PCDHGA1: variants seen among roughly 807,000 people sequenced by gnomAD.
PCDHGA1 encodes protocadherin gamma-A1.
In PCDHGA1, 32 loss-of-function variants were observed where a neutral mutation model predicts 58.0. The observed-to-expected ratio is 0.55, with a 90% CI of 0.42 to 0.74. The LOEUF is 0.74. Among genes scored for constraint, PCDHGA1 ranks in the 30% least tolerant of loss-of-function variants. PCDHGA1 has a pLI of 0.00. For missense variants in PCDHGA1, 1,205 were observed against 1,182.3 expected, an observed-to-expected ratio of 1.02 and a Z score of -0.28; for synonymous variants, 498 against 501.1, an observed-to-expected ratio of 0.99 and a Z score of 0.08.
chr5:141,454,172 C>T (rs1001368287), intron 1 of PCDHGA1, among the ~76,000 whole-genome samples: 4 of 152,126 alleles, frequency 2.6e-5, no homozygotes, highest in Non-Finnish European at 5.9e-5. Context: ...TCTAGAAGGG[C>T]AGCTAAAGGA....
intron 2 of PCDHGA1, among the ~76,000 whole-genome samples, chr5:141,504,259 G>A (rs1325093588): frequency 6.6e-6 from 1 of 152,126 alleles, no homozygotes; most frequent in Non-Finnish European, 1.5e-5. Flanking sequence ...TTATGGTTTA[G>A]TATTTTTTTA....
intron 1 of PCDHGA1, chr5:141,418,539 A>C (rs984639830): frequency 6.2e-7 from 1 of 1,614,034 alleles, no homozygotes; most frequent in East Asian, 2.2e-5. Flanking sequence ...GGTACTGCTC[A>C]GATAAGAATC....
intron 1 of PCDHGA1, chr5:141,340,891 G>C (rs1334776652): frequency 6.2e-7 from 1 of 1,613,716 alleles, no homozygotes; most frequent in South Asian, 1.1e-5. Flanking sequence ...CGCTCAAGCA[G>C]AGCCTCGTGG....
At chr5:141,365,384 C>G in intron 1 of PCDHGA1, 1 of 1,614,020 alleles carries the variant, frequency 6.2e-7, no homozygotes, top group Non-Finnish European at 8.5e-7. Context: ...CCTCACCTCT[C>G]TGACCAGTTC....
chr5:141,491,598 C>T lies in PCDHGA1; in HGVS notation c.2422-3209C>T, dbSNP rs1410472886. On this transcript the variant is annotated intron_variant, in intron 1 of 3. Transcript: ENST00000517417. This position sits in a 1 kb window ranked among gnomAD's most constrained non-coding sequence, Gnocchi z 6.9. ...TTTCACCGGCCTCGGACGGCAGTGA[C>T]TTCACTTTTCTAAGACCCCTCAGCG... 1.4e-5 allele frequency: 22 copies of T among 1,613,872 alleles called. No homozygotes were observed. The highest frequency in any genetic ancestry group is 1.8e-5 in the Non-Finnish European group (21 of 1,180,048).
At chr5:141,339,012 T>G (rs747009936) in intron 1 of PCDHGA1, 1 of 1,582,804 alleles carries the variant, frequency 6.3e-7, no homozygotes, top group East Asian at 2.3e-5. Context: ...AGAAAGCTGG[T>G]CCTGCTGTGC....
At chr5:141,360,030 A>T in intron 1 of PCDHGA1, 6 of 1,381,784 alleles carry the variant, frequency 4.3e-6, no homozygotes, top group Non-Finnish European at 5.8e-6. Flanking sequence ...GCCAGTATAG[A>T]TTCGGAAACA....
chr5:141,372,239 G>A lies in PCDHGA1; in HGVS notation c.2421+39134G>A, dbSNP rs771921907. The A allele has an allele frequency of 2.5e-6, 4 of 1,613,314 alleles. No homozygotes were observed. The Admixed American group carries it at 6.7e-5, about 27-fold the overall frequency. ...ACATTGTGCAGGCCAGCGAGCCCGGGCTGTTCAGCCTGGGCCTGCGCACGG... is the reference window on the plus strand; with the variant it reads ...ACATTGTGCAGGCCAGCGAGCCCGGACTGTTCAGCCTGGGCCTGCGCACGG... On this transcript the variant is annotated intron_variant, in intron 1 of 3. Coordinates refer to ENST00000517417, the MANE Select transcript of PCDHGA1 (RefSeq NM_018912.3).
rs1464961193 is a variant in PCDHGA1 at position 141,432,346 on chromosome 5, A to G, written c.2422-62461A>G. The G allele has an allele frequency of 6.2e-7, 1 of 1,614,192 alleles. No homozygotes were observed. Among genetic ancestry groups the G allele is most frequent in the African/African-American group, 1.3e-5 (1 of 75,054 alleles). On this transcript the variant is annotated intron_variant, in intron 1 of 3. Coordinates refer to ENST00000517417, the MANE Select transcript of PCDHGA1 (RefSeq NM_018912.3). This position sits in a 1 kb window ranked among gnomAD's most constrained non-coding sequence, Gnocchi z 6.0. ...ACTACGAGCAGTTCCGAGACTTGCA[A>G]GTGAAAGTGATGGCGCGGGACAACG...
intron 1 of PCDHGA1, chr5:141,408,100 G>A (rs1474827605): frequency 9.7e-6 from 14 of 1,438,178 alleles, no homozygotes; most frequent in African/African-American, 1.4e-5. Context: ...CCAGCTCCGA[G>A]ACCCGGGACT....
At chr5:141,415,284 G>A (rs186109113) in intron 1 of PCDHGA1, 27 of 1,614,198 alleles carry the variant, frequency 1.7e-5, no homozygotes, top group Non-Finnish European at 2.3e-5. Context: ...CGGTGGCCGC[G>A]GTCTCCTGCG....
chr5:141,368,261 C>A (rs1765551887), intron 1 of PCDHGA1, among the ~76,000 whole-genome samples: 1 of 152,202 alleles, frequency 6.6e-6, no homozygotes, highest in African/African-American at 2.4e-5. Flanking sequence ...TTAATTGACA[C>A]ATTAAAGAAC....
In PCDHGA1 at chr5:141,511,477, C is replaced by A; in HGVS notation, c.*304C>A. 2.1e-6 allele frequency: 1 copy of A among 482,262 alleles called. No homozygotes were observed. The allele number at this position is 482,262 out of a possible 1,614,324, so 29.9% of individuals were successfully genotyped here. A position where few individuals can be genotyped will look rare whatever the true frequency, so the allele number is the denominator to read the frequency against. On this transcript the variant is annotated 3_prime_UTR_variant, in exon 4 of 4. Coordinates refer to ENST00000517417, the MANE Select transcript of PCDHGA1 (RefSeq NM_018912.3). ...TTTGCCACACCCCGTTTAGTTACAG[C>A]TGAACTCCTCCATCTTCCAAATCAA...
intron 1 of PCDHGA1, chr5:141,409,714 CG>C: frequency 6.2e-7 from 1 of 1,613,226 alleles, no homozygotes; most frequent in Non-Finnish European, 8.5e-7. Flanking sequence ...TGTCGTCATA[CG>C]TGTCAGTGAG....
In PCDHGA1 at chr5:141,345,076, C is replaced by T. The variant is rs374768220; in HGVS notation, c.2421+11971C>T. ...GTGAATGACAATGCTCCAGAAATTA[C>T]AATCACGTCTCTCACAAGCTCAGTC... On this transcript the variant is annotated intron_variant, in intron 1 of 3. Coordinates refer to ENST00000517417, the MANE Select transcript of PCDHGA1 (RefSeq NM_018912.3). 2.7e-5 allele frequency: 44 copies of T among 1,613,824 alleles called. No homozygotes were observed. In the South Asian group the frequency reaches 3.7e-4, roughly 14 times the overall value.
At chr5:141,357,677 T>G (rs1371752128) in intron 1 of PCDHGA1, 1 of 1,583,726 alleles carries the variant, frequency 6.3e-7, no homozygotes. Context: ...AAGAGTTGTG[T>G]AAATGTCTCT....
At position 141,477,505 on chromosome 5, in the gene PCDHGA1, C is replaced by T. The variant is rs2099412175; in HGVS notation, c.2422-17302C>T. The T allele has an allele frequency of 5.0e-6, 8 of 1,614,126 alleles. No individual in the cohort carries two copies. Among genetic ancestry groups the T allele is most frequent in the Admixed American group, 1.7e-5 (1 of 60,024 alleles). On this transcript the variant is annotated intron_variant, in intron 1 of 3. Transcript: ENST00000517417. This position sits in a 1 kb window ranked among gnomAD's most constrained non-coding sequence, Gnocchi z 4.9. ...CACAATCTTCTCAATCTTCCTACGACGTTTACATTGAAGAAAACAACCTCC... is the reference window on the plus strand; with the variant it reads ...CACAATCTTCTCAATCTTCCTACGATGTTTACATTGAAGAAAACAACCTCC...
chr5:141,332,102 C>G lies in PCDHGA1; in HGVS notation c.1418C>G (p.Ser473Cys), dbSNP rs999253051. ...ENNPRGASIF[S>C]VRAHDLDSNE... ...AACCCCAGAGGAGCCTCCATCTTCT[C>G]TGTGAGGGCCCACGACTTGGACAGC... is the stretch of plus-strand genomic sequence containing the variant. Residue 473 changes from serine (S) to cysteine (C), a missense_variant, in exon 1 of 4, where the codon TCT becomes TGT. Ser to Cys is a moderately radical substitution (Grantham distance 112, BLOSUM62 -1). Coordinates refer to ENST00000517417, the MANE Select transcript of PCDHGA1 (RefSeq NM_018912.3). The surrounding 1 kb of genome is among the most constrained non-coding windows in gnomAD (Gnocchi z 4.6). 1.4e-5 allele frequency: 23 copies of G among 1,614,214 alleles called. No individual in the cohort carries two copies. Among genetic ancestry groups the G allele is most frequent in the Non-Finnish European group, 1.9e-5 (23 of 1,180,042 alleles).
rs4042104 is a variant in PCDHGA1 at position 141,489,091 on chromosome 5, T to TAAG, written c.2422-5713_2422-5711dup. On this transcript the variant is annotated intron_variant, in intron 1 of 3. Transcript: ENST00000517417. This position sits in a 1 kb window ranked among gnomAD's most constrained non-coding sequence, Gnocchi z 4.5. Reference sequence around the variant, plus strand: ...CTGCCCACCCCCGCCACTCGGTGACTAAGAACTGCTGCAAGCAGGCAAACC... The same window carrying TAAG: ...CTGCCCACCCCCGCCACTCGGTGACTAAGAAGAACTGCTGCAAGCAGGCAAACC... 136,009 of 332,164 alleles carry TAAG rather than the reference T, an allele frequency of 0.41. 28,517 individuals are homozygous for TAAG. The highest frequency in any genetic ancestry group is 0.54 in the Admixed American group (11,651 of 21,676). The allele number at this position is 332,164 out of a possible 1,614,324, so 20.6% of individuals were successfully genotyped here.
Sources: allele counts gnomAD v4.1 joint callset (sites outside exome capture counted in the v4.1 genomes callset), GRCh38; gene constraint gnomAD v4.1.1; non-coding constraint Gnocchi (gnomAD v3.1); transcripts MANE v1.5; gene names NCBI Gene and HGNC (gene_info 2026-07-23, HGNC 2026-07-21).